The following FAM184A variants were observed in gnomAD, a reference collection of about 807,000 sequenced individuals.
The protein encoded by FAM184A is protein FAM184A.
FAM184A carries 99 observed loss-of-function variants against 143.8 expected under a neutral mutation model. The ratio of observed to expected loss-of-function variants is 0.69; its 90% confidence interval spans 0.58 to 0.81. The LOEUF (loss-of-function observed/expected upper bound fraction) is 0.81. Ranked by LOEUF, FAM184A falls within the 40% of genes least tolerant of loss-of-function variation. FAM184A has a pLI of 0.00. For synonymous variants in FAM184A, 427 were observed against 446.4 expected (o/e 0.96, Z 0.55); for missense variants, 1,217 against 1,310.5 (o/e 0.93, Z 1.10).
rs1356077727 is a variant in FAM184A, at chr6:118,966,911, T to A, written c.2957A>T (p.Lys986Ile). The A allele has an allele frequency of 4.4e-6, 7 of 1,583,214 alleles. No homozygotes were observed. The highest frequency in any genetic ancestry group is 6.1e-6 in the Non-Finnish European group (7 of 1,155,728). ...MEEKYLMRES[K>I]PEDIQMITEL... ...TGTAATCATCTGTATATCTTCTGGTTTTGATTCTCTCATTAGATATTTTTC... is the reference window on the plus strand; with the variant it reads ...TGTAATCATCTGTATATCTTCTGGTATTGATTCTCTCATTAGATATTTTTC... Residue 986 changes from lysine (K) to isoleucine (I), a missense_variant, in exon 15 of 18, where the codon AAA becomes ATA. By Grantham distance (102) the Lys-to-Ile change is moderately radical. Transcript: ENST00000338891.
At chr6:119,091,539 T>C (rs182014715) in intron 1 of FAM184A, among the ~76,000 whole-genome samples, 1 of 152,342 alleles carries the variant, frequency 6.6e-6, no homozygotes, top group Admixed American at 6.5e-5. Context: ...CATGTTGTCT[T>C]GTTGTGCCTC....
At chr6:119,069,076 G>T in intron 1 of FAM184A, 2 of 362,554 alleles carry the variant, frequency 5.5e-6, no homozygotes, top group South Asian at 2.2e-5. Context: ...AAGCAACTGA[G>T]GTTCTTGCCA....
Position 119,024,285 on chromosome 6 carries a change from G to C in FAM184A, c.688C>G (p.Leu230Val), listed in dbSNP as rs772555120. The change falls in exon 2 of 18, where the codon CTA (leucine) becomes GTA (valine). Residue 230 changes from leucine (L) to valine (V), a missense_variant. Physicochemically the swap from Leu to Val is conservative, Grantham distance 32. Transcript: ENST00000338891. ...EELHRMEVES[L>V]NKMLEELRLE... is the part of the protein sequence containing the mutation. The stretch of plus-strand genomic sequence containing the variant: ...CTTAGCTCCTCAAGCATTTTGTTTA[G>C]GGACTCCACCTCCATTCTGTGTAGT... 6.2e-7 allele frequency: 1 copy of C among 1,614,088 alleles called. No homozygotes were observed. The highest frequency in any genetic ancestry group is 8.5e-7 in the Non-Finnish European group (1 of 1,180,018).
Position 118,960,198 on chromosome 6 carries a change from A to C in FAM184A, c.3342-14T>G. 5.6e-6 allele frequency: 9 copies of C among 1,607,764 alleles called. No homozygotes were observed. Among genetic ancestry groups the C allele is most frequent in the South Asian group, 1.1e-5 (1 of 90,500 alleles). ...CTCTGAGCAGGACTGAATTCATAAA[A>C]AGAGAGACATGTAACCCAGCATTAA... On this transcript the variant is annotated splice_polypyrimidine_tract_variant and intron_variant, in intron 17 of 17. Transcript: ENST00000338891.
intron 1 of FAM184A, among the ~76,000 whole-genome samples, chr6:119,046,935 T>C (rs1786557131): frequency 6.6e-6 from 1 of 151,906 alleles, no homozygotes; most frequent in Non-Finnish European, 1.5e-5. Context: ...ATCAACCAAG[T>C]GAAGAGACAA....
intron 1 of FAM184A, among the ~76,000 whole-genome samples, chr6:119,118,854 G>C (rs1789132018): frequency 6.6e-6 from 1 of 152,140 alleles, no homozygotes; most frequent in African/African-American, 2.4e-5. Flanking sequence ...GAACAAGAGA[G>C]GTAACCTTAA....
chr6:119,081,201 A>G (rs1257563832), upstream of FAM184A, among the ~76,000 whole-genome samples: 1 of 152,202 alleles, frequency 6.6e-6, no homozygotes, highest in Non-Finnish European at 1.5e-5. Flanking sequence ...AAAGAGAGAA[A>G]GAGAGACAGG....
intron 9 of FAM184A, among the ~76,000 whole-genome samples, chr6:119,000,386 T>C (rs10499090): frequency 0.37 from 56,460 of 152,004 alleles, 11,497 homozygotes; most frequent in East Asian, 0.68. Context: ...AGTGTAATCA[T>C]TGGACAGAAA....
intron 1 of FAM184A, among the ~76,000 whole-genome samples, chr6:119,035,804 CTCCTT>C (rs1786090666): frequency 6.6e-6 from 1 of 152,156 alleles, no homozygotes; most frequent in African/African-American, 2.4e-5. Context: ...CCCTGTCACC[CTCCTT>C]TCAAGTTGTC....
intron 1 of FAM184A, among the ~76,000 whole-genome samples, chr6:119,103,203 A>C (rs1788689169): frequency 6.6e-6 from 1 of 152,224 alleles, no homozygotes; most frequent in Admixed American, 6.5e-5. Flanking sequence ...AAACTACTAC[A>C]TCCATCTTGT....
At chr6:118,989,892 G>A (rs1187953387) in intron 9 of FAM184A, among the ~76,000 whole-genome samples, 3 of 151,684 alleles carry the variant, frequency 2.0e-5, no homozygotes, top group South Asian at 2.1e-4. Context: ...GCAGTGGCGC[G>A]ATCTCAGCTC....
intron 9 of FAM184A, among the ~76,000 whole-genome samples, chr6:118,993,632 T>C (rs982392382): frequency 6.6e-6 from 1 of 152,220 alleles, no homozygotes; most frequent in African/African-American, 2.4e-5. Context: ...ACTCTTAACA[T>C]TGATTAGTTT....
At chr6:119,081,854 C>T (rs1181249585), upstream of FAM184A, among the ~76,000 whole-genome samples, 4 of 152,210 alleles carry the variant, frequency 2.6e-5, no homozygotes, top group African/African-American at 9.6e-5. Context: ...GTGTGACCCT[C>T]CACTGATGTG....
At chr6:119,105,591 C>T (rs6569039) in intron 1 of FAM184A, among the ~76,000 whole-genome samples, 96,550 of 151,986 alleles carry the variant, frequency 0.64, 31,343 homozygotes, top group East Asian at 0.96. Context: ...CTCAGTCTCA[C>T]GTGGTTCTTT....
chr6:118,975,173 T>C lies in FAM184A; in HGVS notation c.2619A>G (p.Gln873=), dbSNP rs767239750. Reference sequence around the variant, plus strand: ...GATGCTCTCTGTGTCTTAATTCCTCTTGTAGATCTGTAATTCTACATATGT... The same window carrying C: ...GATGCTCTCTGTGTCTTAATTCCTCCTGTAGATCTGTAATTCTACATATGT... ...KEHICRITDL[Q]EELRHREHHI... The change falls in exon 13 of 18, where the codon CAA becomes CAG. Residue 873 remains glutamine, a synonymous_variant. Transcript: ENST00000338891. 1.4e-5 allele frequency: 22 copies of C among 1,609,586 alleles called. No homozygotes were observed. The highest frequency in any genetic ancestry group is 3.4e-5 in the Admixed American group (2 of 59,582).
chr6:119,118,944 C>A (rs1293346431), intron 1 of FAM184A, among the ~76,000 whole-genome samples: 2 of 152,166 alleles, frequency 1.3e-5, no homozygotes, highest in Non-Finnish European at 2.9e-5. Context: ...TCGCTGAATT[C>A]TTTTTCTCAG....
At chr6:119,119,230 T>TGGTCCTGC (rs1789143973) in intron 1 of FAM184A, among the ~76,000 whole-genome samples, 1 of 152,372 alleles carries the variant, frequency 6.6e-6, no homozygotes, top group Non-Finnish European at 1.5e-5. Context: ...CCCGGTCCTG[T>TGGTCCTGC]GGTCCTGCGA....
At chr6:119,116,496 C>T (rs963286078) in intron 1 of FAM184A, among the ~76,000 whole-genome samples, 4 of 152,140 alleles carry the variant, frequency 2.6e-5, no homozygotes, top group African/African-American at 9.7e-5. Context: ...TACCCTTAAT[C>T]TACAATAAGT....
chr6:119,096,496 C>T (rs1302468732), intron 1 of FAM184A, among the ~76,000 whole-genome samples: 5 of 84,862 alleles, frequency 5.9e-5, no homozygotes, highest in African/African-American at 1.7e-4. Flanking sequence ...ATTAGCCGGG[C>T]GCGGTGGCGG....
Sources: allele counts gnomAD v4.1 joint callset (sites outside exome capture counted in the v4.1 genomes callset), GRCh38; gene constraint gnomAD v4.1.1; transcripts MANE v1.5; gene names NCBI Gene and HGNC (gene_info 2026-07-23, HGNC 2026-07-21).